The following NELL2 variants were observed in gnomAD, a reference collection of about 807,000 sequenced individuals.
NELL2 encodes the protein neural EGFL like 2.
In NELL2, 41 loss-of-function variants were observed where a neutral mutation model predicts 109.6. The observed-to-expected ratio is 0.37, with a 90% CI of 0.29 to 0.49. NELL2 has a LOEUF of 0.49. Among genes scored for constraint, NELL2 ranks in the 20% least tolerant of loss-of-function variants. The pLI is 0.98. For missense variants in NELL2, 900 were observed against 1,008.3 expected (o/e 0.89, Z 1.45); for synonymous variants, 355 against 344.7 (o/e 1.03, Z -0.33).
chr12:44,824,438 T>C (rs546059156), intron 2 of NELL2, among the ~76,000 whole-genome samples: 1 of 152,294 alleles, frequency 6.6e-6, no homozygotes, highest in South Asian at 2.1e-4. Context: ...TGGTGTGAGA[T>C]AAGGGTCTAA....
intron 15 of NELL2, among the ~76,000 whole-genome samples, chr12:44,549,538 A>G (rs1942942085): frequency 1.3e-5 from 2 of 152,176 alleles, no homozygotes; most frequent in African/African-American, 4.8e-5. Context: ...ATACTTCCCT[A>G]TCTAGGAACT....
intron 15 of NELL2, among the ~76,000 whole-genome samples, chr12:44,548,878 TG>T (rs1942913865): frequency 6.6e-6 from 1 of 152,228 alleles, no homozygotes; most frequent in African/African-American, 2.4e-5. Context: ...CTATGGAAGT[TG>T]ATTATAAAAC....
At chr12:44,860,487 CT>C (rs143757105) in intron 2 of NELL2, among the ~76,000 whole-genome samples, 3,141 of 152,250 alleles carry the variant, frequency 0.021, 111 homozygotes, top group East Asian at 0.18. Context: ...GGCTATGTTC[CT>C]TCTGGAGGCT....
chr12:44,885,742 A>T (rs1945463541), intron 1 of NELL2, among the ~76,000 whole-genome samples: 1 of 151,892 alleles, frequency 6.6e-6, no homozygotes, highest in Non-Finnish European at 1.5e-5. Flanking sequence ...TCTCAATAAA[A>T]ATCCCAGCAG....
intron 13 of NELL2, among the ~76,000 whole-genome samples, chr12:44,632,754 C>A (rs977847845): frequency 6.6e-6 from 1 of 152,030 alleles, no homozygotes; most frequent in East Asian, 1.9e-4. Flanking sequence ...GTACATTCTT[C>A]TTTTATTATC....
At position 44,851,372 on chromosome 12, in the gene NELL2, C is replaced by T. The variant is rs185706560; in HGVS notation, c.184+23853G>A. On this transcript the variant is annotated intron_variant, in intron 2 of 19. Transcript: ENST00000429094. ...ACAGAATTTAACAGTCATTTCTATG[C>T]ATTTCCTTTCAGAATAATGAAATAT... Among the ~76,000 whole-genome samples, 48 of 152,258 alleles carry T rather than the reference C, an allele frequency of 3.2e-4. No homozygotes were observed. The East Asian group carries it at 8.9e-3, about 28-fold the overall frequency.
At chr12:44,697,355 C>G (rs1183662966) in intron 12 of NELL2, among the ~76,000 whole-genome samples, 1 of 152,174 alleles carries the variant, frequency 6.6e-6, no homozygotes, top group Non-Finnish European at 1.5e-5. Flanking sequence ...CTCACACACA[C>G]CCACAGTCAC....
chr12:44,568,218 G>A (rs1344516411), intron 15 of NELL2, among the ~76,000 whole-genome samples: 1 of 152,094 alleles, frequency 6.6e-6, no homozygotes, highest in Admixed American at 6.6e-5. Context: ...TTTGTGTAAA[G>A]GAAAAGTTCA....
At chr12:44,690,021 A>G (rs2136392955) in intron 12 of NELL2, among the ~76,000 whole-genome samples, 1 of 152,358 alleles carries the variant, frequency 6.6e-6, no homozygotes, top group East Asian at 1.9e-4. Flanking sequence ...ATCCTTAGAA[A>G]GACATCAATG....
intron 11 of NELL2, among the ~76,000 whole-genome samples, chr12:44,710,727 A>G (rs764446370): frequency 6.6e-6 from 1 of 152,124 alleles, no homozygotes; most frequent in Non-Finnish European, 1.5e-5. Flanking sequence ...CCTTCTAATT[A>G]CTAGTTCTAG....
intron 13 of NELL2, among the ~76,000 whole-genome samples, chr12:44,622,339 A>C (rs2136273319): frequency 6.6e-6 from 1 of 152,236 alleles, no homozygotes; most frequent in South Asian, 2.1e-4. Context: ...ATTTGGCAAG[A>C]GGCATGATTT....
chr12:44,529,298 AG>A (rs1409715837), intron 16 of NELL2, among the ~76,000 whole-genome samples: 2 of 152,168 alleles, frequency 1.3e-5, no homozygotes, highest in South Asian at 4.2e-4. Flanking sequence ...AAAAGAAGGA[AG>A]GAAACAATGA....
At chr12:44,530,806 A>G (rs1942017276) in intron 16 of NELL2, among the ~76,000 whole-genome samples, 1 of 152,152 alleles carries the variant, frequency 6.6e-6, no homozygotes, top group African/African-American at 2.4e-5. Flanking sequence ...CAAGCCTTCA[A>G]TATAAGAAGA....
At chr12:44,784,997 C>T (rs563880728) in intron 3 of NELL2, among the ~76,000 whole-genome samples, 1 of 152,292 alleles carries the variant, frequency 6.6e-6, no homozygotes, top group African/African-American at 2.4e-5. Context: ...TCTCTCACAA[C>T]TCTTATTCAA....
At chr12:44,665,694 G>T (rs1160845980) in intron 12 of NELL2, 85 bp from the exon 13 acceptor site, 8 of 1,371,314 alleles carry the variant, frequency 5.8e-6, no homozygotes, top group Admixed American at 2.4e-5. Context: ...GGAGAGGGAA[G>T]TATTTACTAA....
intron 12 of NELL2, among the ~76,000 whole-genome samples, chr12:44,667,601 T>G (rs1323585010): frequency 2.0e-5 from 3 of 152,168 alleles, no homozygotes; most frequent in Non-Finnish European, 4.4e-5. Context: ...TTCAAGATGT[T>G]TACTAGAGGA....
chr12:44,670,275 T>C (rs1948092879), intron 12 of NELL2, among the ~76,000 whole-genome samples: 1 of 152,070 alleles, frequency 6.6e-6, no homozygotes, highest in South Asian at 2.1e-4. Context: ...AAGAAAGATA[T>C]CTACCATCAT....
intron 3 of NELL2, among the ~76,000 whole-genome samples, chr12:44,785,582 A>C (rs1942133484): frequency 6.6e-6 from 1 of 152,240 alleles, no homozygotes; most frequent in African/African-American, 2.4e-5. Context: ...GACAATCTTA[A>C]GCAAAAAGAA....
intron 12 of NELL2, among the ~76,000 whole-genome samples, chr12:44,668,509 G>A (rs1415481417): frequency 6.6e-6 from 1 of 152,040 alleles, no homozygotes; most frequent in African/African-American, 2.4e-5. Flanking sequence ...CAGGGCCCAG[G>A]TGCACCATCA....
Sources: allele counts gnomAD v4.1 joint callset (sites outside exome capture counted in the v4.1 genomes callset), GRCh38; gene constraint gnomAD v4.1.1; transcripts MANE v1.5; gene names NCBI Gene and HGNC (gene_info 2026-07-23, HGNC 2026-07-21).